CUX1: variants seen among roughly 807,000 people sequenced by gnomAD.
CUX1 encodes the protein cut like homeobox 1, also known as protein CASP.
In CUX1, 31 loss-of-function variants were observed where a neutral mutation model predicts 158.8. That is an observed-to-expected ratio of 0.20 (90% CI 0.15 to 0.26). CUX1 has a LOEUF of 0.26. CUX1 is among the 10% of genes least tolerant of loss of function. The probability of loss-of-function intolerance (pLI) is 1.00; values close to 1 mark genes in which losing one functional copy is unlikely to be tolerated. For missense variants in CUX1, 1,589 were observed against 2,014.6 expected (o/e 0.79, Z 4.04); for synonymous variants, 879 against 862.1 (o/e 1.02, Z -0.34).
chr7:102,152,942 T>C (rs1332690823), intron 8 of CUX1, among the ~76,000 whole-genome samples: 1 of 152,256 alleles, frequency 6.6e-6, no homozygotes, highest in African/African-American at 2.4e-5. Flanking sequence ...GTCCTTGTTA[T>C]CACATTCAGT....
At chr7:102,057,359 A>T (rs1824286351) in intron 3 of CUX1, among the ~76,000 whole-genome samples, 1 of 152,112 alleles carries the variant, frequency 6.6e-6, no homozygotes. Context: ...CTCAAGTCTT[A>T]TTTTTTAAGA....
At chr7:101,875,398 GCT>G (rs1341629678) in intron 1 of CUX1, among the ~76,000 whole-genome samples, 1 of 152,160 alleles carries the variant, frequency 6.6e-6, no homozygotes, top group East Asian at 1.9e-4. Flanking sequence ...TATAAGCAGA[GCT>G]CTCTATTAAC....
chr7:102,157,695 G>T (rs1789926584), intron 8 of CUX1, among the ~76,000 whole-genome samples: 1 of 152,134 alleles, frequency 6.6e-6, no homozygotes, highest in Non-Finnish European at 1.5e-5. Context: ...CAGGAGAATT[G>T]CTTGAACCCA....
At chr7:102,165,541 T>A (rs1790933081) in intron 9 of CUX1, among the ~76,000 whole-genome samples, 1 of 151,890 alleles carries the variant, frequency 6.6e-6, no homozygotes, top group African/African-American at 2.4e-5. Context: ...ATTTTTGTAT[T>A]TTTAGTAGAG....
intron 2 of CUX1, among the ~76,000 whole-genome samples, chr7:101,979,097 A>G (rs1813089372): frequency 6.6e-6 from 1 of 152,216 alleles, no homozygotes. Flanking sequence ...TTAATGAGCA[A>G]GAAGCAGAAA....
At chr7:102,151,218 G>A (rs182951998) in intron 8 of CUX1, among the ~76,000 whole-genome samples, 113 of 152,238 alleles carry the variant, frequency 7.4e-4, no homozygotes, top group Non-Finnish European at 1.5e-3. Context: ...TTAATTCAGT[G>A]GGGGGAGGAG....
intron 6 of CUX1, among the ~76,000 whole-genome samples, chr7:102,104,766 A>G (rs201481): frequency 0.62 from 94,777 of 151,810 alleles, 30,994 homozygotes; most frequent in African/African-American, 0.78. Flanking sequence ...ATGGTGGCGC[A>G]CGTCTGTAAT....
intron 4 of CUX1, 96 bp from the exon 5 acceptor site, chr7:102,097,268 T>A: frequency 4.2e-6 from 6 of 1,439,994 alleles, no homozygotes; most frequent in Non-Finnish European, 5.6e-6. Context: ...CCCCCGGAGC[T>A]GATGTCCCAG....
intron 1 of CUX1, among the ~76,000 whole-genome samples, chr7:101,863,802 A>G (rs1797695162): frequency 6.6e-6 from 1 of 152,120 alleles, no homozygotes; most frequent in African/African-American, 2.4e-5. Context: ...ATCATACAGT[A>G]TTGTCTTTCT....
At chr7:102,230,794 G>A (rs150612245) in intron 21 of CUX1, among the ~76,000 whole-genome samples, 27 of 152,172 alleles carry the variant, frequency 1.8e-4, no homozygotes, top group Admixed American at 4.6e-4. Flanking sequence ...TTCATAGCTC[G>A]TCACACATCC....
At chr7:102,162,244 C>T (rs782606995) in intron 9 of CUX1, among the ~76,000 whole-genome samples, 3 of 152,138 alleles carry the variant, frequency 2.0e-5, no homozygotes, top group Non-Finnish European at 4.4e-5. Flanking sequence ...CCTGTAGACC[C>T]CAGCCAAGCA....
intron 4 of CUX1, among the ~76,000 whole-genome samples, chr7:102,076,624 C>T (rs1826761813): frequency 6.6e-6 from 1 of 152,082 alleles, no homozygotes; most frequent in Non-Finnish European, 1.5e-5. Flanking sequence ...CCTCATGCCC[C>T]ACACCACACC....
chr7:102,258,828 C>T (rs376883189), downstream of CUX1, among the ~76,000 whole-genome samples: 60 of 152,316 alleles, frequency 3.9e-4, no homozygotes, highest in Admixed American at 1.4e-3. Flanking sequence ...TTAATGCTTG[C>T]GAGTGGGACA....
At chr7:102,030,661 C>G (rs988463405) in intron 3 of CUX1, among the ~76,000 whole-genome samples, 23 of 108,582 alleles carry the variant, frequency 2.1e-4, no homozygotes, top group Admixed American at 2.0e-3. Flanking sequence ...ATTTGGAAAT[C>G]TGTCTATCTA....
intron 22 of CUX1, 144 bp from the exon 23 acceptor site, chr7:102,239,176 C>A: frequency 2.1e-6 from 2 of 973,682 alleles, no homozygotes; most frequent in Non-Finnish European, 2.9e-6. Context: ...CATGAGCCAC[C>A]ATGCCCAGCC....
chr7:102,262,762 T>G (rs1554544176), downstream of CUX1, among the ~76,000 whole-genome samples: 1 of 152,148 alleles, frequency 6.6e-6, no homozygotes, highest in African/African-American at 2.4e-5. Flanking sequence ...GGAATCCCGG[T>G]GCAACTTTCC....
intron 2 of CUX1, among the ~76,000 whole-genome samples, chr7:102,013,691 C>T (rs34152368): frequency 0.043 from 6,621 of 152,238 alleles, 211 homozygotes; most frequent in Non-Finnish European, 0.068. Flanking sequence ...GACTCATATG[C>T]AAACGCTTCT....
At chr7:102,112,550 T>G (rs1469662359) in intron 7 of CUX1, among the ~76,000 whole-genome samples, 3 of 145,788 alleles carry the variant, frequency 2.1e-5, no homozygotes, top group Admixed American at 2.1e-4. Flanking sequence ...CCTCTCTCTA[T>G]TTCTTTTTTT....
chr7:102,245,398 A>C (rs1183152048), intron 23 of CUX1, among the ~76,000 whole-genome samples: 2 of 152,080 alleles, frequency 1.3e-5, no homozygotes, highest in Non-Finnish European at 2.9e-5. Context: ...TCAGCACCCA[A>C]GTGCAGTGCT....
Sources: gnomAD v4.1 joint callset for allele counts (sites outside exome capture counted in the v4.1 genomes callset) on GRCh38, gnomAD v4.1.1 for gene constraint, MANE v1.5 for transcripts, NCBI Gene and HGNC (gene_info 2026-07-23, HGNC 2026-07-21) for gene names.